TEP1: variants seen among roughly 807,000 people sequenced by gnomAD.
The protein encoded by TEP1 is telomerase associated protein 1.
A neutral mutation model predicts 306.3 loss-of-function variants in TEP1; 241 were observed. The observed-to-expected ratio is 0.79, with a 90% CI of 0.71 to 0.88. The LOEUF is 0.88. Among genes scored for constraint, TEP1 ranks in the 40% least tolerant of loss-of-function variants. TEP1 has a pLI of 0.00. For synonymous variants in TEP1, 1,289 were observed against 1,305.5 expected (o/e 0.99, Z 0.27); for missense variants, 3,051 against 3,276.1 (o/e 0.93, Z 1.68).
chr14:20,380,459 T>C lies in TEP1; in HGVS notation c.4779A>G (p.Lys1593=), dbSNP rs749255224. The change falls in exon 34 of 55, where the codon AAA becomes AAG. Residue 1593 remains lysine (K), a synonymous_variant. Coordinates refer to ENST00000262715, the MANE Select transcript of TEP1 (RefSeq NM_007110.5). ...CAGCCTCGGGGAGCTTTTGTTCCTC[T>C]TTGGGGACTGAAGAAGCTATAAAAG... ...AHALYASSVP[K]EEQKLPEADV... 2 of 1,613,262 alleles carry C rather than the reference T, an allele frequency of 1.2e-6. No individual in the cohort carries two copies. The highest frequency in any genetic ancestry group is 1.1e-5 in the South Asian group (1 of 91,074).
chr14:20,397,152 T>C (rs1878273999), intron 9 of TEP1, among the ~76,000 whole-genome samples: 1 of 152,224 alleles, frequency 6.6e-6, no homozygotes, highest in East Asian at 1.9e-4. Context: ...TAAGATTGGG[T>C]TCAACTGGCA....
intron 12 of TEP1, among the ~76,000 whole-genome samples, chr14:20,392,113 T>TGG (rs1877780129): frequency 2.0e-5 from 3 of 152,208 alleles, no homozygotes; most frequent in African/African-American, 7.2e-5. Context: ...GCTAACTCCT[T>TGG]ACTCTGAAAA....
At chr14:20,386,217 C>A (rs760862962) in intron 19 of TEP1, 22 bp from the exon 20 acceptor site, 3 of 1,613,718 alleles carry the variant, frequency 1.9e-6, no homozygotes, top group East Asian at 4.5e-5. Context: ...ATGATAGGGA[C>A]GTGTGGGAGT....
At chr14:20,384,561 A>AT (rs757549404) in intron 22 of TEP1, 39 bp downstream of exon 22, 1 of 1,613,432 alleles carries the variant, frequency 6.2e-7, no homozygotes, top group East Asian at 2.2e-5. Context: ...TCCTCTCACC[A>AT]CATCTCTGTA....
chr14:20,375,720 G>A (rs1440716888), intron 43 of TEP1, 35 bp downstream of exon 43: 1 of 1,478,538 alleles, frequency 6.8e-7, no homozygotes, highest in Non-Finnish European at 9.4e-7. Context: ...CAGGAACCCA[G>A]CTGGGCTCTG....
chr14:20,384,821 G>T, intron 21 of TEP1, 108 bp from the exon 22 acceptor site: 1 of 1,474,404 alleles, frequency 6.8e-7, no homozygotes, highest in Non-Finnish European at 9.3e-7. Flanking sequence ...CAAGTAGAGA[G>T]CTCCTGACTC....
Position 20,384,655 on chromosome 14 carries a change from G to T in TEP1, c.3166C>A (p.Arg1056=). 5.0e-6 allele frequency: 8 copies of T among 1,613,808 alleles called. No homozygotes were observed. The highest frequency in any genetic ancestry group is 6.8e-6 in the Non-Finnish European group (8 of 1,180,024). ...AGGTAGCTCTTCAGTTCTGAGATCC[G>T]ACGTGCGGCCTCTTCAGACTCAGAA... ...FVSESEEAAR[R]ISELKSYLSR... is the part of the protein sequence containing the mutation. Residue 1056 remains arginine (R), a synonymous_variant, in exon 22 of 55, where the codon CGG becomes AGG. Transcript: ENST00000262715.
chr14:20,403,730 C>A lies in TEP1; in HGVS notation c.1187G>T (p.Arg396Leu), dbSNP rs1490977962. Residue 396 changes from arginine (R) to leucine (L), a missense_variant, in exon 6 of 55, where the codon CGC becomes CTC. By Grantham distance (102) the Arg-to-Leu change is moderately radical (BLOSUM62 -2). Transcript: ENST00000262715. ...RAKRHPRRPP[R>L]SPGMEPPFSH... ...GCTGGGGCAGTGACTGACTGGAGAG[C>A]GGGGTGGCCGGCGGGGGTGTCTCTT... The A allele has an allele frequency of 3.7e-6, 6 of 1,613,466 alleles. No individual in the cohort carries two copies. In the East Asian group the frequency reaches 1.3e-4, roughly 36 times the overall value.
chr14:20,368,597 A>G (rs779998381), intron 54 of TEP1, 38 bp from the exon 55 acceptor site: 2 of 1,610,674 alleles, frequency 1.2e-6, no homozygotes, highest in Admixed American at 3.3e-5. Flanking sequence ...TCAGGGCTAC[A>G]AGCCTCCTTA....
In TEP1 at chr14:20,373,944, G is replaced by A. The variant is rs1014908258; in HGVS notation, c.6472-134C>T. 3.2e-6 allele frequency: 4 copies of A among 1,237,156 alleles called. No homozygotes were observed. In the African/African-American group the frequency reaches 6.0e-5, roughly 19 times the overall value. 76.6% of individuals were successfully genotyped at this position (1,237,156 alleles called of 1,614,324 possible). On this transcript the variant is annotated intron_variant, in intron 44 of 54. Transcript: ENST00000262715. ...GAGGGAGGAGAACTCAGGAACAGTGGGGTTGGGTGGCTCAGGACAGTGGGG... is the reference window on the plus strand; with the variant it reads ...GAGGGAGGAGAACTCAGGAACAGTGAGGTTGGGTGGCTCAGGACAGTGGGG...
At chr14:20,368,712 C>A in intron 54 of TEP1, 86 bp downstream of exon 54, 1 of 1,538,538 alleles carries the variant, frequency 6.5e-7, no homozygotes, top group Admixed American at 1.8e-5. Flanking sequence ...CCCTTTCTTA[C>A]TCTAAGTTTG....
At chr14:20,384,773 C>T in intron 21 of TEP1, 60 bp from the exon 22 acceptor site, 1 of 1,545,174 alleles carries the variant, frequency 6.5e-7, no homozygotes, top group South Asian at 1.1e-5. Context: ...CCTCCCTCCA[C>T]CAACCACCAG....
At position 20,371,496 on chromosome 14, in the gene TEP1, C is replaced by G; in HGVS notation, c.7213G>C (p.Glu2405Gln). ...TGGCATTTTGGATCTTACCAGATTT[C>G]AGATGGAGCATCCCCTGGCTTCATG... ...LCMKPGDAPS[E>Q]IWSSYTENPM... Residue 2405 changes from glutamate to glutamine, a missense_variant, in exon 50 of 55, where the codon GAA (glutamate) becomes CAA (glutamine). This residue lies in a region of TEP1 where 1,540 missense variants were observed against 1,705.9 expected (regional missense o/e 0.90). Coordinates refer to ENST00000262715, the MANE Select transcript of TEP1 (RefSeq NM_007110.5). The G allele has an allele frequency of 6.2e-7, 1 of 1,609,434 alleles. No individual in the cohort carries two copies. Among genetic ancestry groups the G allele is most frequent in the Non-Finnish European group, 8.5e-7 (1 of 1,179,114 alleles).
At position 20,383,733 on chromosome 14, in the gene TEP1, G is replaced by A. The variant is rs773512909; in HGVS notation, c.3710+10C>T. ...CATCAACAAGGCTGGGCTCATTGGG[G>A]GATACCCACCGGTAGGTGCTGGGGA... On this transcript the variant is annotated intron_variant, in intron 25 of 54. Coordinates refer to ENST00000262715, the MANE Select transcript of TEP1 (RefSeq NM_007110.5). 2 of 1,610,336 alleles carry A rather than the reference G, an allele frequency of 1.2e-6. No homozygotes were observed. Among genetic ancestry groups the A allele is most frequent in the Admixed American group, 1.7e-5 (1 of 59,338 alleles).
Position 20,382,428 on chromosome 14 carries a change from G to C in TEP1, c.4141-72C>G, listed in dbSNP as rs957386581. Reference sequence around the variant, plus strand: ...GCAGCTTGGCTTGTGGGATAGGGAAGGGGCAGCAGGAGGACAGTGTGGAGG... The same window carrying C: ...GCAGCTTGGCTTGTGGGATAGGGAACGGGCAGCAGGAGGACAGTGTGGAGG... On this transcript the variant is annotated intron_variant, in intron 28 of 54. Coordinates refer to ENST00000262715, the MANE Select transcript of TEP1 (RefSeq NM_007110.5). 1.8e-5 allele frequency: 28 copies of C among 1,561,454 alleles called. No homozygotes were observed. In the South Asian group the frequency reaches 3.4e-4, roughly 19 times the overall value.
intron 4 of TEP1, among the ~76,000 whole-genome samples, 156 bp downstream of exon 4, chr14:20,405,295 C>T (rs1879087178): frequency 6.6e-6 from 1 of 152,114 alleles, no homozygotes; most frequent in African/African-American, 2.4e-5. Context: ...CTTCACTGAA[C>T]CACAGGGACT....
chr14:20,392,791 C>T (rs1297407538), intron 12 of TEP1, among the ~76,000 whole-genome samples: 4 of 151,992 alleles, frequency 2.6e-5, no homozygotes, highest in Non-Finnish European at 5.9e-5. Context: ...TAATGACATT[C>T]TCATTGTATA....
Position 20,377,851 on chromosome 14 carries a change from G to A in TEP1, c.5722-98C>T. 2.0e-6 allele frequency: 3 copies of A among 1,527,402 alleles called. No homozygotes were observed. The Middle Eastern group carries it at 7.1e-4, about 363-fold the overall frequency. 94.6% of individuals were successfully genotyped at this position (1,527,402 alleles called of 1,614,324 possible). On this transcript the variant is annotated intron_variant, in intron 39 of 54. Coordinates refer to ENST00000262715, the MANE Select transcript of TEP1 (RefSeq NM_007110.5). The stretch of plus-strand genomic sequence containing the variant: ...CACCCCCATTAAAGTCCTCCTTCCA[G>A]AGACTCTTCTCATGAGAGCTGCCCC...
intron 49 of TEP1, among the ~76,000 whole-genome samples, 181 bp from the exon 50 acceptor site, chr14:20,371,813 C>T (rs1234866934): frequency 6.6e-6 from 1 of 152,162 alleles, no homozygotes; most frequent in Non-Finnish European, 1.5e-5. Flanking sequence ...CGGTGCCATC[C>T]CATTACTTGC....
Sources: gnomAD v4.1 joint callset for allele counts (sites outside exome capture counted in the v4.1 genomes callset) on GRCh38, gnomAD v4.1.1 for gene constraint, gnomAD v4.1.1 regional missense constraint, MANE v1.5 for transcripts, NCBI Gene and HGNC (gene_info 2026-07-23, HGNC 2026-07-21) for gene names.